Variants in CAMTA1 observed in about 807,000 individuals in gnomAD.
The protein encoded by CAMTA1 is calmodulin-binding transcription activator 1.
CAMTA1 carries 27 observed loss-of-function variants against 170.9 expected under a neutral mutation model. The observed-to-expected ratio is 0.16, with a 90% CI of 0.12 to 0.22. The LOEUF (loss-of-function observed/expected upper bound fraction) is 0.22. Ranked by LOEUF, CAMTA1 falls within the 10% of genes least tolerant of loss-of-function variation. The pLI, the probability that CAMTA1 is intolerant of heterozygous loss-of-function variation, is 1.00. For missense variants in CAMTA1, 1,619 were observed against 2,217.2 expected (o/e 0.73, Z 5.42); for synonymous variants, 833 against 891.5 (o/e 0.93, Z 1.17).
intron 1 of CAMTA1, among the ~76,000 whole-genome samples, chr1:6,810,276 T>C (rs373051427): frequency 2.0e-5 from 3 of 152,158 alleles, no homozygotes; most frequent in African/African-American, 7.2e-5. Flanking sequence ...TTTGAAGGAC[T>C]CCTTTCTTTG....
chr1:7,270,289 A>AT lies in CAMTA1; in HGVS notation c.438+20664dup, dbSNP rs1395986038. ...CACACACACACATATATATATATAT[A>AT]TATTTTTTTTTTTTTTTCTTGTGAG... On this transcript the variant is annotated intron_variant, in intron 5 of 22. Coordinates refer to ENST00000303635, the MANE Select transcript of CAMTA1 (RefSeq NM_015215.4). 7.2e-3 allele frequency among the ~76,000 whole-genome samples: 814 copies of AT among 112,692 alleles called. 36 individuals carry two copies. Among genetic ancestry groups the AT allele is most frequent in the African/African-American group, 0.028 (750 of 27,054 alleles). The allele number at this position is 112,692 out of a possible 152,430, so 73.9% of individuals were successfully genotyped here.
intron 3 of CAMTA1, among the ~76,000 whole-genome samples, chr1:6,921,359 G>A (rs1254716398): frequency 6.6e-6 from 1 of 152,138 alleles, no homozygotes; most frequent in Admixed American, 6.5e-5. Context: ...ACCTCAACCT[G>A]GACCTTATTG....
Position 7,150,030 on chromosome 1 carries a change from G to A in CAMTA1, c.302+58659G>A, listed in dbSNP as rs567496226. The stretch of plus-strand genomic sequence containing the variant: ...AACAGGAAAACTGAGCCTCGGAGAC[G>A]TTCAACTCCAACAGGGAGCAGCAGC... On this transcript the variant is annotated intron_variant, in intron 4 of 22. Transcript: ENST00000303635. Among the ~76,000 whole-genome samples, 5 of 152,312 alleles carry A rather than the reference G, an allele frequency of 3.3e-5. No individual in the cohort carries two copies. In the South Asian group the frequency reaches 6.2e-4, roughly 19 times the overall value.
rs923120087 is a variant in CAMTA1 at position 7,588,691 on chromosome 1, G to A, written c.511-51709G>A. On this transcript the variant is annotated intron_variant, in intron 6 of 22. Transcript: ENST00000303635. The surrounding 1 kb of genome is among the most constrained non-coding windows in gnomAD (Gnocchi z 5.8). ...GCCACGACTGGGCTCCTGGCAGCAC[G>A]GCCAGATGGACCTCTGCTCTCTGCC... is the stretch of plus-strand genomic sequence containing the variant. 7.2e-5 allele frequency among the ~76,000 whole-genome samples: 11 copies of A among 152,176 alleles called. No homozygotes were observed. Among genetic ancestry groups the A allele is most frequent in the Admixed American group, 1.3e-4 (2 of 15,282 alleles).
chr1:7,005,249 G>A (rs1698810727), intron 3 of CAMTA1, among the ~76,000 whole-genome samples: 1 of 152,182 alleles, frequency 6.6e-6, no homozygotes, highest in African/African-American at 2.4e-5. Context: ...GGGCCATCAA[G>A]TGACACTCTG....
intron 6 of CAMTA1, among the ~76,000 whole-genome samples, chr1:7,548,410 G>T (rs753511093): frequency 1.3e-5 from 2 of 151,758 alleles, no homozygotes; most frequent in Non-Finnish European, 2.9e-5. Context: ...AAGGGTGGAG[G>T]TGCCCGTGCA....
intron 3 of CAMTA1, among the ~76,000 whole-genome samples, chr1:7,043,905 T>C (rs926983306): frequency 1.3e-5 from 2 of 152,208 alleles, no homozygotes; most frequent in South Asian, 4.1e-4. Context: ...TAGAGATGCA[T>C]GTGATCTCCG....
At chr1:7,524,654 C>A (rs1241173963) in intron 6 of CAMTA1, among the ~76,000 whole-genome samples, 1 of 152,134 alleles carries the variant, frequency 6.6e-6, no homozygotes, top group African/African-American at 2.4e-5. Context: ...CCTGCTATTC[C>A]TGACTTGCTG....
chr1:7,755,352 A>T (rs1194695555), intron 21 of CAMTA1, among the ~76,000 whole-genome samples: 2 of 144,746 alleles, frequency 1.4e-5, no homozygotes, highest in African/African-American at 5.2e-5. Flanking sequence ...AAAAAAAAAA[A>T]GGAAAACCTC....
intron 3 of CAMTA1, among the ~76,000 whole-genome samples, chr1:7,087,039 C>T (rs1640841117): frequency 6.6e-6 from 1 of 152,190 alleles, no homozygotes; most frequent in African/African-American, 2.4e-5. Flanking sequence ...CTGGCTCCGC[C>T]ATGAACATGC....
chr1:7,207,510 C>CT (rs1657961112), intron 4 of CAMTA1, among the ~76,000 whole-genome samples: 1 of 152,232 alleles, frequency 6.6e-6, no homozygotes, highest in African/African-American at 2.4e-5. Flanking sequence ...AATATACACT[C>CT]TATTTTTCCA....
At chr1:6,828,913 T>TG (rs1451304662) in intron 3 of CAMTA1, among the ~76,000 whole-genome samples, 1 of 141,882 alleles carries the variant, frequency 7.0e-6, no homozygotes, top group Non-Finnish European at 1.6e-5. Flanking sequence ...TTTTTTTTTT[T>TG]GGAGACAGAG....
chr1:7,472,167 C>A (rs1359506996), intron 6 of CAMTA1, among the ~76,000 whole-genome samples: 1 of 152,162 alleles, frequency 6.6e-6, no homozygotes, highest in Admixed American at 6.5e-5. Flanking sequence ...CAGCACAGAC[C>A]AAGCCTGTGG....
At chr1:7,147,019 ATGCACACACACTCATACACTT>A (rs1646235158) in intron 4 of CAMTA1, among the ~76,000 whole-genome samples, 1 of 151,934 alleles carries the variant, frequency 6.6e-6, no homozygotes, top group African/African-American at 2.4e-5. Context: ...AACATGCACC[ATGCACACACACTCATACACTT>A]TGCACACACA....
At chr1:6,807,098 A>G (rs1318496651) in intron 1 of CAMTA1, 5 of 617,398 alleles carry the variant, frequency 8.1e-6, no homozygotes, top group Non-Finnish European at 8.9e-6. Flanking sequence ...GGTGCGTGCA[A>G]TATGTCATAA....
intron 11 of CAMTA1, among the ~76,000 whole-genome samples, chr1:7,711,891 C>T (rs11121004): frequency 0.4 from 61,229 of 151,984 alleles, 13,248 homozygotes; most frequent in Middle Eastern, 0.55. Flanking sequence ...AAAAACAGTG[C>T]AATAAATGGC....
At chr1:7,355,478 C>A (rs2085037762) in intron 5 of CAMTA1, among the ~76,000 whole-genome samples, 1 of 152,214 alleles carries the variant, frequency 6.6e-6, no homozygotes, top group Admixed American at 6.5e-5. Flanking sequence ...GCCTGAATTT[C>A]TGTCTTTCCC....
intron 6 of CAMTA1, among the ~76,000 whole-genome samples, chr1:7,538,146 G>C (rs2094569959): frequency 1.3e-5 from 2 of 152,218 alleles, no homozygotes; most frequent in African/African-American, 4.8e-5. Context: ...AGGGGGAAAA[G>C]CCTGATCTGT....
At chr1:7,414,834 C>A (rs1482484293) in intron 5 of CAMTA1, among the ~76,000 whole-genome samples, 1 of 151,950 alleles carries the variant, frequency 6.6e-6, no homozygotes, top group African/African-American at 2.4e-5. Context: ...TTTTCTAGTT[C>A]TTTTAATTGT....
Sources: gnomAD v4.1 joint callset for allele counts (sites outside exome capture counted in the v4.1 genomes callset) on GRCh38, gnomAD v4.1.1 for gene constraint, Gnocchi (gnomAD v3.1) non-coding constraint, MANE v1.5 for transcripts, NCBI Gene and HGNC (gene_info 2026-07-23, HGNC 2026-07-21) for gene names.